Variants in ZNF292 observed in about 807,000 individuals in gnomAD.
The protein encoded by ZNF292 is 16 zinc-finger domain protein.
ZNF292 carries 26 observed loss-of-function variants against 217.9 expected under a neutral mutation model. That is an observed-to-expected ratio of 0.12 (90% CI 0.09 to 0.17). ZNF292 has a LOEUF of 0.17. Among genes scored for constraint, ZNF292 ranks in the 10% least tolerant of loss-of-function variants. The pLI, the probability that ZNF292 is intolerant of heterozygous loss-of-function variation, is 1.00. For synonymous variants in ZNF292, 1,257 were observed against 1,124.1 expected (o/e 1.12, Z -2.37); for missense variants, 2,904 against 3,175.2 (o/e 0.91, Z 2.05).
chr6:87,175,214 A>G (rs1300397188), intron 1 of ZNF292, among the ~76,000 whole-genome samples: 1 of 152,142 alleles, frequency 6.6e-6, no homozygotes, highest in Non-Finnish European at 1.5e-5. Context: ...TCCTTCCTAA[A>G]AAAGGTTTTC....
At chr6:87,224,886 A>C (rs534307133) in intron 4 of ZNF292, among the ~76,000 whole-genome samples, 3 of 152,254 alleles carry the variant, frequency 2.0e-5, no homozygotes, top group Admixed American at 2.0e-4. Flanking sequence ...GTGAAAATAC[A>C]TGGGAGTATG....
In ZNF292 at chr6:87,261,952, T is replaced by A; in HGVS notation, c.*151T>A. The A allele has an allele frequency of 5.2e-6, 3 of 577,554 alleles. No homozygotes were observed. The highest frequency in any genetic ancestry group is 8.2e-6 in the Non-Finnish European group (3 of 367,620). The allele number at this position is 577,554 out of a possible 1,614,324, so 35.8% of individuals were successfully genotyped here. A position where few individuals can be genotyped will look rare whatever the true frequency, so the allele number is the denominator to read the frequency against. On this transcript the variant is annotated 3_prime_UTR_variant, in exon 8 of 8. Coordinates refer to ENST00000369577, the MANE Select transcript of ZNF292 (RefSeq NM_015021.3). ...CAAAAAAGAAAAAAAAAACATGACA[T>A]TTGTCATGTAAAACTTTTTTTTATC...
chr6:87,165,757 CT>C lies in ZNF292; in HGVS notation c.168+10016del, dbSNP rs71014998. 8.2e-3 allele frequency among the ~76,000 whole-genome samples: 1,072 copies of C among 131,238 alleles called. 8 individuals carry two copies. The highest frequency in any genetic ancestry group is 0.025 in the African/African-American group (886 of 35,248). 86.1% of individuals were successfully genotyped at this position (131,238 alleles called of 152,430 possible). A position where few individuals can be genotyped will look rare whatever the true frequency, so the allele number is the denominator to read the frequency against. On this transcript the variant is annotated intron_variant, in intron 1 of 7. Coordinates refer to ENST00000369577, the MANE Select transcript of ZNF292 (RefSeq NM_015021.3). Reference sequence around the variant, plus strand: ...AAAATTAAAATACATGTTTACATTTCTTTTTTTTTTTTTTTTTTGACATAGA... The same window carrying C: ...AAAATTAAAATACATGTTTACATTTCTTTTTTTTTTTTTTTTTGACATAGA...
intron 4 of ZNF292, among the ~76,000 whole-genome samples, chr6:87,229,385 A>G (rs1343381617): frequency 6.6e-6 from 1 of 151,762 alleles, no homozygotes; most frequent in African/African-American, 2.4e-5. Context: ...TTCGATCTGT[A>G]TCTCTTTTAT....
chr6:87,224,340 A>G (rs781762744), intron 4 of ZNF292, among the ~76,000 whole-genome samples: 11 of 151,304 alleles, frequency 7.3e-5, no homozygotes, highest in South Asian at 2.1e-4. Context: ...TTCAATTTGC[A>G]TACCTTAAGA....
chr6:87,183,032 C>A (rs541090517), intron 1 of ZNF292, among the ~76,000 whole-genome samples: 2 of 152,226 alleles, frequency 1.3e-5, no homozygotes, highest in African/African-American at 4.8e-5. Flanking sequence ...GCAGTGATGA[C>A]TTCTGTGTAG....
At chr6:87,198,046 A>C (rs770668838) in intron 1 of ZNF292, among the ~76,000 whole-genome samples, 2 of 152,072 alleles carry the variant, frequency 1.3e-5, no homozygotes, top group African/African-American at 2.4e-5. Flanking sequence ...TTTCTTTTTC[A>C]TCAGTTTCAA....
At chr6:87,207,461 G>A (rs1436218234) in intron 1 of ZNF292, among the ~76,000 whole-genome samples, 1 of 152,048 alleles carries the variant, frequency 6.6e-6, no homozygotes, top group Non-Finnish European at 1.5e-5. Context: ...AGTTTTCTTT[G>A]TTAGGGTATT....
At chr6:87,250,023 T>TAAAAA (rs60486090) in intron 7 of ZNF292, among the ~76,000 whole-genome samples, 38 of 99,216 alleles carry the variant, frequency 3.8e-4, no homozygotes, top group Non-Finnish European at 4.8e-4. Context: ...TGGTAACCCT[T>TAAAAA]AAAAAAAAAA....
At chr6:87,165,431 C>A (rs1420943306) in intron 1 of ZNF292, among the ~76,000 whole-genome samples, 2 of 152,286 alleles carry the variant, frequency 1.3e-5, no homozygotes, top group South Asian at 4.1e-4. Context: ...GGGATACTCA[C>A]CCGGGAGTAA....
At chr6:87,189,304 T>G (rs1246681545) in intron 1 of ZNF292, among the ~76,000 whole-genome samples, 1 of 152,116 alleles carries the variant, frequency 6.6e-6, no homozygotes, top group Admixed American at 6.5e-5. Context: ...GGGAAGATAG[T>G]ATAGTGAGTT....
intron 1 of ZNF292, among the ~76,000 whole-genome samples, chr6:87,156,795 A>G (rs1770555552): frequency 6.6e-6 from 1 of 152,234 alleles, no homozygotes; most frequent in African/African-American, 2.4e-5. Context: ...CATGGTGAAA[A>G]TCGGAGAGTT....
chr6:87,216,949 C>G (rs1385259853), intron 3 of ZNF292, among the ~76,000 whole-genome samples: 1 of 151,942 alleles, frequency 6.6e-6, no homozygotes, highest in Non-Finnish European at 1.5e-5. Context: ...ATATGAGGTA[C>G]TACACAATTT....
Position 87,261,882 on chromosome 6 carries a change from T to A in ZNF292, c.*81T>A, listed in dbSNP as rs1290037542. On this transcript the variant is annotated 3_prime_UTR_variant, in exon 8 of 8. Transcript: ENST00000369577. ...CAAGCATGCTAGAATTGTGAAACTTTCATTATATTTTTTTGTTGTTGACAT... is the reference window on the plus strand; with the variant it reads ...CAAGCATGCTAGAATTGTGAAACTTACATTATATTTTTTTGTTGTTGACAT... 7 of 1,027,302 alleles carry A rather than the reference T, an allele frequency of 6.8e-6. No homozygotes were observed. The highest frequency in any genetic ancestry group is 9.3e-6 in the Non-Finnish European group (7 of 751,362). 63.6% of individuals were successfully genotyped at this position (1,027,302 alleles called of 1,614,324 possible).
At chr6:87,232,243 ATCTTT>A (rs1413845969) in intron 4 of ZNF292, among the ~76,000 whole-genome samples, 3 of 152,124 alleles carry the variant, frequency 2.0e-5, no homozygotes. Context: ...TTATAGAAGA[ATCTTT>A]TCTATAGTGG....
rs747077279 is a variant in ZNF292, at chr6:87,259,181, A to G, written c.5552A>G (p.Asn1851Ser). Residue 1851 changes from asparagine to serine, a missense_variant, in exon 8 of 8, where the codon AAT becomes AGT. Physicochemically the swap from Asn to Ser is conservative, Grantham distance 46. This residue lies in a region of ZNF292 where 622 missense variants were observed against 573.1 expected (regional missense o/e 1.09). Coordinates refer to ENST00000369577, the MANE Select transcript of ZNF292 (RefSeq NM_015021.3). The stretch of plus-strand genomic sequence containing the variant: ...GGCTTACAGAAATTAAAATTAGAAA[A>G]TGACCTATCCACTCCAGCATCCCAA... ...LEGLQKLKLE[N>S]DLSTPASQCV... is the part of the protein sequence containing the mutation. 3 of 1,613,608 alleles carry G rather than the reference A, an allele frequency of 1.9e-6. No individual in the cohort carries two copies. The highest frequency in any genetic ancestry group is 1.7e-6 in the Non-Finnish European group (2 of 1,179,708).
In ZNF292 at chr6:87,162,805, A is replaced by T. The variant is rs188758662; in HGVS notation, c.168+7046A>T. On this transcript the variant is annotated intron_variant, in intron 1 of 7. Transcript: ENST00000369577. ...TTTTTAACTATAAAACTGCTGCTCT[A>T]CTTATTTTCTTGAGATTCTGTCAAA... Among the ~76,000 whole-genome samples the T allele has an allele frequency of 6.8e-3, 1,031 of 152,292 alleles. 6 individuals carry two copies. The highest frequency in any genetic ancestry group is 0.011 in the Non-Finnish European group (741 of 68,010).
At chr6:87,174,545 T>C (rs1188157557) in intron 1 of ZNF292, among the ~76,000 whole-genome samples, 1 of 152,196 alleles carries the variant, frequency 6.6e-6, no homozygotes, top group African/African-American at 2.4e-5. Context: ...AGTATTTTCT[T>C]CCTAAACTGG....
intron 1 of ZNF292, among the ~76,000 whole-genome samples, chr6:87,171,592 T>C (rs548667685): frequency 1.9e-4 from 29 of 152,282 alleles, no homozygotes; most frequent in African/African-American, 7.0e-4. Context: ...TAAAATAACA[T>C]TAGTTTTAAA....
Sources: allele counts gnomAD v4.1 joint callset (sites outside exome capture counted in the v4.1 genomes callset), GRCh38; gene constraint gnomAD v4.1.1; regional missense constraint gnomAD v4.1.1; transcripts MANE v1.5; gene names NCBI Gene and HGNC (gene_info 2026-07-23, HGNC 2026-07-21).